CTDP1: variants seen among roughly 807,000 people sequenced by gnomAD.
CTDP1 encodes RNA polymerase II subunit A C-terminal domain phosphatase.
CTDP1 carries 47 observed loss-of-function variants against 91.8 expected under a neutral mutation model. The ratio of observed to expected loss-of-function variants is 0.51; its 90% confidence interval spans 0.41 to 0.65. The LOEUF (loss-of-function observed/expected upper bound fraction) is 0.65. CTDP1 is among the 30% of genes least tolerant of loss of function. The pLI, the probability that CTDP1 is intolerant of heterozygous loss-of-function variation, is 0.00. For synonymous variants in CTDP1, 656 were observed against 598.5 expected, an observed-to-expected ratio of 1.10 and a Z score of -1.40; for missense variants, 1,272 against 1,373.7, an observed-to-expected ratio of 0.93 and a Z score of 1.17.
chr18:79,689,026 C>T (rs2085566390), intron 1 of CTDP1, among the ~76,000 whole-genome samples: 1 of 152,178 alleles, frequency 6.6e-6, no homozygotes, highest in African/African-American at 2.4e-5. Context: ...GTCACTTCAC[C>T]CCTAAATACT....
At chr18:79,677,034 G>A (rs1344892492), upstream of CTDP1, among the ~76,000 whole-genome samples, 7 of 152,206 alleles carry the variant, frequency 4.6e-5, no homozygotes, top group Admixed American at 2.6e-4. Flanking sequence ...ATCGAGGTCT[G>A]TATTTCAAAG....
intron 11 of CTDP1, among the ~76,000 whole-genome samples, chr18:79,731,638 A>G (rs1245592942): frequency 5.3e-5 from 8 of 152,238 alleles, no homozygotes. Context: ...CTCCACGTCC[A>G]GAACATGCCT....
chr18:79,716,549 C>G (rs1307237108), intron 8 of CTDP1, among the ~76,000 whole-genome samples: 1 of 152,196 alleles, frequency 6.6e-6, no homozygotes, highest in African/African-American at 2.4e-5. Context: ...AGACCCTTCT[C>G]TCCTGAGCGT....
intron 5 of CTDP1, among the ~76,000 whole-genome samples, chr18:79,707,807 CG>C (rs1046878549): frequency 3.9e-5 from 6 of 152,102 alleles, no homozygotes; most frequent in Non-Finnish European, 7.4e-5. Flanking sequence ...AAGTGAGGTC[CG>C]GACTGAAGCC....
At chr18:79,726,841 T>G (rs1599279664) in intron 10 of CTDP1, among the ~76,000 whole-genome samples, 1 of 73,848 alleles carries the variant, frequency 1.4e-5, no homozygotes, top group Non-Finnish European at 2.6e-5. Context: ...GGGATGGGGG[T>G]GACGCCATTG....
chr18:79,742,100 AGGAGGCATGAGGTG>A (rs2086789647), intron 12 of CTDP1, among the ~76,000 whole-genome samples: 1 of 13,140 alleles, frequency 7.6e-5, no homozygotes. Flanking sequence ...GGGGCAGCAG[AGGAGGCATGAGGTG>A]GAGGCCTGGG....
chr18:79,706,326 G>C (rs2085966172), intron 5 of CTDP1, among the ~76,000 whole-genome samples: 1 of 152,178 alleles, frequency 6.6e-6, no homozygotes, highest in African/African-American at 2.4e-5. Flanking sequence ...TGTGGAAATA[G>C]ACCCCCAAAT....
At chr18:79,701,039 CAGAAAG>C (rs1342321114) in intron 4 of CTDP1, among the ~76,000 whole-genome samples, 1 of 152,210 alleles carries the variant, frequency 6.6e-6, no homozygotes, top group Non-Finnish European at 1.5e-5. Context: ...ACCTGTTACT[CAGAAAG>C]AGAGATTCTT....
chr18:79,677,498 G>A (rs750987403), upstream of CTDP1: 4 of 152,284 alleles, frequency 2.6e-5, no homozygotes, highest in Non-Finnish European at 4.4e-5. Flanking sequence ...TTGAAGTGCT[G>A]CTGCCTGTGA....
chr18:79,711,351 T>TC (rs1328214346), intron 6 of CTDP1, among the ~76,000 whole-genome samples: 1 of 151,800 alleles, frequency 6.6e-6, no homozygotes, highest in East Asian at 1.9e-4. Flanking sequence ...CAGGCGTGTG[T>TC]CCCCACAGTA....
At chr18:79,684,147 G>A (rs1333540745) in intron 1 of CTDP1, among the ~76,000 whole-genome samples, 6 of 152,198 alleles carry the variant, frequency 3.9e-5, no homozygotes, top group African/African-American at 1.4e-4. Flanking sequence ...ACTGGCCGCC[G>A]GCTGCTTGAC....
chr18:79,701,517 AT>A lies in CTDP1; in HGVS notation c.622-3249del, dbSNP rs1180855577. Reference sequence around the variant, plus strand: ...AGAGCAAGACTCCATCTCAAAAAAAATAATAAATAAATTAAATAAATAAATA... The same window carrying A: ...AGAGCAAGACTCCATCTCAAAAAAAAAATAAATAAATTAAATAAATAAATA... On this transcript the variant is annotated intron_variant, in intron 4 of 12. Coordinates refer to ENST00000613122, the MANE Select transcript of CTDP1 (RefSeq NM_004715.5). 1.8e-3 allele frequency among the ~76,000 whole-genome samples: 238 copies of A among 129,466 alleles called. 2 individuals carry two copies. The highest frequency in any genetic ancestry group is 6.2e-3 in the African/African-American group (214 of 34,248). 84.9% of individuals were successfully genotyped at this position (129,466 alleles called of 152,430 possible). A position where few individuals can be genotyped will look rare whatever the true frequency, so the allele number is the denominator to read the frequency against.
chr18:79,753,590 G>C, intron 12 of CTDP1, 62 bp from the exon 13 acceptor site: 2 of 1,613,414 alleles, frequency 1.2e-6, no homozygotes, highest in Non-Finnish European at 1.7e-6. Context: ...ATGCAGACCA[G>C]GCGGTGACCC....
intron 1 of CTDP1, among the ~76,000 whole-genome samples, chr18:79,691,494 T>C (rs970302569): frequency 5.4e-5 from 8 of 148,510 alleles, no homozygotes; most frequent in Admixed American, 2.0e-4. Context: ...GCTCCCAGGG[T>C]GGACTCGGGG....
intron 12 of CTDP1, among the ~76,000 whole-genome samples, chr18:79,743,037 G>A (rs1018976377): frequency 5.9e-5 from 9 of 152,344 alleles, no homozygotes; most frequent in East Asian, 1.9e-4. Context: ...GCCAGTAGCC[G>A]CGCCGAGGAG....
chr18:79,694,245 T>C (rs369118741), intron 1 of CTDP1, among the ~76,000 whole-genome samples: 5,062 of 129,406 alleles, frequency 0.039, 161 homozygotes, highest in South Asian at 0.1. Flanking sequence ...CCGGCTGGGA[T>C]GGGAGTGTGG....
chr18:79,715,428 G>C lies in CTDP1; in HGVS notation c.1968G>C (p.Glu656Asp). The change falls in exon 8 of 13, where the codon GAG becomes GAC. Residue 656 changes from glutamate to aspartate, a missense_variant. This residue lies in a region of CTDP1 where 881 missense variants were observed against 911.6 expected (regional missense o/e 0.97). Transcript: ENST00000613122. ...PTNFPIEKTR[E>D]HYHATALGAK... is the part of the protein sequence containing the mutation. ...ACTTCCCGATAGAGAAGACGCGGGA[G>C]CATTACCACGCCACGGCGCTGGGAG... 3.1e-6 allele frequency: 5 copies of C among 1,597,500 alleles called. No individual in the cohort carries two copies. Among genetic ancestry groups the C allele is most frequent in the Non-Finnish European group, 4.3e-6 (5 of 1,172,018 alleles).
chr18:79,712,894 A>C, intron 6 of CTDP1, 78 bp from the exon 7 acceptor site: 1 of 1,491,938 alleles, frequency 6.7e-7, no homozygotes. Flanking sequence ...TTAGAATCTT[A>C]AACTGTTACG....
upstream of CTDP1, chr18:79,679,348 G>A (rs949412214): frequency 6.7e-6 from 3 of 447,446 alleles, no homozygotes; most frequent in African/African-American, 2.0e-5. Flanking sequence ...GGCCCGCGGC[G>A]CGCAAGGCAT....
Sources: allele counts gnomAD v4.1 joint callset (sites outside exome capture counted in the v4.1 genomes callset), GRCh38; gene constraint gnomAD v4.1.1; regional missense constraint gnomAD v4.1.1; transcripts MANE v1.5; gene names NCBI Gene and HGNC (gene_info 2026-07-23, HGNC 2026-07-21).